SLC9A4: variants seen among roughly 807,000 people sequenced by gnomAD.
SLC9A4 encodes the protein sodium/hydrogen exchanger 4.
In SLC9A4, 63 loss-of-function variants were observed where a neutral mutation model predicts 67.4. That is an observed-to-expected ratio of 0.93 (90% CI 0.76 to 1.15). The LOEUF (loss-of-function observed/expected upper bound fraction) is 1.15. SLC9A4 is among the 50% of genes most tolerant of loss of function. The probability of loss-of-function intolerance (pLI) is 0.00; values close to 1 mark genes in which losing one functional copy is unlikely to be tolerated. For missense variants in SLC9A4, 1,089 were observed against 987.7 expected (o/e 1.10, Z -1.38); for synonymous variants, 393 against 367.2 (o/e 1.07, Z -0.80).
intron 2 of SLC9A4, among the ~76,000 whole-genome samples, chr2:102,502,799 G>A (rs974751304): frequency 2.0e-5 from 3 of 152,382 alleles, no homozygotes; most frequent in Non-Finnish European, 4.4e-5. Flanking sequence ...CTGCATGGGA[G>A]GACGGGGAGA....
Position 102,532,690 on chromosome 2 carries a change from G to A in SLC9A4, c.*2G>A. 1 of 1,610,054 alleles carries A rather than the reference G, an allele frequency of 6.2e-7. No homozygotes were observed. The highest frequency in any genetic ancestry group is 8.5e-7 in the Non-Finnish European group (1 of 1,177,720). On this transcript the variant is annotated 3_prime_UTR_variant, in exon 12 of 12. Transcript: ENST00000295269. The stretch of plus-strand genomic sequence containing the variant: ...AGTCCTTTGCTCCAAAAAAAATAGT[G>A]TTATTGTCCACAAGATTGTTTTGGT...
intron 11 of SLC9A4, among the ~76,000 whole-genome samples, chr2:102,531,419 A>G (rs1420994956): frequency 6.6e-6 from 1 of 152,168 alleles, no homozygotes; most frequent in Non-Finnish European, 1.5e-5. Flanking sequence ...AGAATCCAAG[A>G]GGGGACATTG....
intron 6 of SLC9A4, 139 bp from the exon 7 acceptor site, chr2:102,512,064 A>T: frequency 1.3e-6 from 1 of 792,492 alleles, no homozygotes; most frequent in Non-Finnish European, 2.0e-6. Context: ...ATATTTTATT[A>T]CATGAACACA....
At chr2:102,520,456 A>G (rs1685381120) in intron 9 of SLC9A4, among the ~76,000 whole-genome samples, 2 of 152,344 alleles carry the variant, frequency 1.3e-5, no homozygotes, top group Admixed American at 6.5e-5. Context: ...TGAAATCTCT[A>G]CTAGTCCTTG....
chr2:102,504,209 C>T (rs1558666372), intron 3 of SLC9A4, among the ~76,000 whole-genome samples: 2 of 152,198 alleles, frequency 1.3e-5, no homozygotes, highest in Non-Finnish European at 2.9e-5. Context: ...CTGGCCACCA[C>T]GCCCGGCTAA....
rs746182972 is a variant in SLC9A4, at chr2:102,526,289, T to G, written c.1981T>G (p.Tyr661Asp). 1.9e-5 allele frequency: 30 copies of G among 1,613,686 alleles called. No homozygotes were observed. Among genetic ancestry groups the G allele is most frequent in the Non-Finnish European group, 2.5e-5 (29 of 1,179,792 alleles). The change falls in exon 11 of 12, where the codon TAC (tyrosine) becomes GAC (aspartate). Residue 661 changes from tyrosine to aspartate, a missense_variant. Tyr to Asp is a radical substitution (Grantham distance 160). Coordinates refer to ENST00000295269, the MANE Select transcript of SLC9A4 (RefSeq NM_001011552.4). The stretch of plus-strand genomic sequence containing the variant: ...CACCAAGAATATCCGCTACCTCTCC[T>G]ACCCCTACGGGAATCCTCAGTCTGC... ...AGTKNIRYLS[Y>D]PYGNPQSAGR...
intron 1 of SLC9A4, 131 bp downstream of exon 1, chr2:102,474,146 T>G (rs1684279866): frequency 9.0e-7 from 1 of 1,112,236 alleles, no homozygotes; most frequent in East Asian, 2.4e-5. Context: ...TCTCTTCCCT[T>G]CAGTCAAGGG....
chr2:102,510,266 C>CAGATATAGATATAGATAT (rs1199533333), intron 6 of SLC9A4, among the ~76,000 whole-genome samples: 1 of 68,534 alleles, frequency 1.5e-5, no homozygotes, highest in African/African-American at 4.9e-5. Context: ...GATACAGATA[C>CAGATATAGATATAGATAT]AGATACAGAT....
At position 102,532,518 on chromosome 2, in the gene SLC9A4, G is replaced by A. The variant is rs1674799435; in HGVS notation, c.2227G>A (p.Val743Met). 1.2e-6 allele frequency: 2 copies of A among 1,614,006 alleles called. No individual in the cohort carries two copies. Among genetic ancestry groups the A allele is most frequent in the Admixed American group, 1.7e-5 (1 of 59,994 alleles). ...AGAGTACTTGGGTGGAGTAAGGAGG[G>A]TGGCCTTAAGACCCAAACCTCTGTT... Reference protein sequence around the residue: ...QEEYLGGVRRVALRPKPLFHA... With the variant: ...QEEYLGGVRRMALRPKPLFHA... Residue 743 changes from valine (V) to methionine (M), a missense_variant, in exon 12 of 12, where the codon GTG becomes ATG. Transcript: ENST00000295269.
intron 2 of SLC9A4, among the ~76,000 whole-genome samples, chr2:102,501,783 C>T (rs1290446523): frequency 6.6e-6 from 1 of 151,782 alleles, no homozygotes; most frequent in South Asian, 2.1e-4. Context: ...CACCCAAGAT[C>T]AGTGGTGATA....
chr2:102,484,191 A>G (rs999034072), intron 2 of SLC9A4, among the ~76,000 whole-genome samples: 1 of 152,162 alleles, frequency 6.6e-6, no homozygotes, highest in African/African-American at 2.4e-5. Flanking sequence ...AATAAACTGC[A>G]CAAGGACACA....
Position 102,508,240 on chromosome 2 carries a change from A to G in SLC9A4, c.1360A>G (p.Thr454Ala). ...SLFPRKKMFV[T>A]ATLVVIYFTV... ...TTTTCCTAGGAAGAAAATGTTTGTC[A>G]CTGCTACTCTAGTAGTTATATACTT... is the stretch of plus-strand genomic sequence containing the variant. The change falls in exon 5 of 12, where the codon ACT (threonine) becomes GCT (alanine). Residue 454 changes from threonine to alanine, a missense_variant. By Grantham distance (58) the Thr-to-Ala change is moderately conservative. Coordinates refer to ENST00000295269, the MANE Select transcript of SLC9A4 (RefSeq NM_001011552.4). The G allele has an allele frequency of 3.7e-6, 6 of 1,614,088 alleles. No homozygotes were observed. Among genetic ancestry groups the G allele is most frequent in the Non-Finnish European group, 5.1e-6 (6 of 1,180,014 alleles).
chr2:102,491,066 G>C lies in SLC9A4; in HGVS notation c.720+11764G>C, dbSNP rs58662321. On this transcript the variant is annotated intron_variant, in intron 2 of 11. Coordinates refer to ENST00000295269, the MANE Select transcript of SLC9A4 (RefSeq NM_001011552.4). ...ACTCTCTCTTGTAATTCTTTCTTGAGAAAAAAACAAACAAAAACTCTCAAA... is the reference window on the plus strand; with the variant it reads ...ACTCTCTCTTGTAATTCTTTCTTGACAAAAAAACAAACAAAAACTCTCAAA... 8.0e-3 allele frequency among the ~76,000 whole-genome samples: 1,220 copies of C among 152,058 alleles called. 14 individuals are homozygous for C. The highest frequency in any genetic ancestry group is 0.028 in the African/African-American group (1,167 of 41,474).
intron 2 of SLC9A4, among the ~76,000 whole-genome samples, chr2:102,498,795 T>A (rs1450117661): frequency 1.3e-5 from 2 of 152,236 alleles, no homozygotes; most frequent in Admixed American, 1.3e-4. Context: ...AAAGCATGGC[T>A]TCAGTTTGTT....
At chr2:102,526,164 A>G in intron 10 of SLC9A4, 95 bp from the exon 11 acceptor site, 1 of 1,307,496 alleles carries the variant, frequency 7.6e-7, no homozygotes, top group Non-Finnish European at 1.1e-6. Context: ...CTGGGATTAC[A>G]GGCGTGAGCC....
chr2:102,479,865 C>T (rs1684422710), intron 2 of SLC9A4, among the ~76,000 whole-genome samples: 1 of 152,110 alleles, frequency 6.6e-6, no homozygotes, highest in Admixed American at 6.5e-5. Flanking sequence ...TGCTTATGAG[C>T]CTTTCTGGTG....
At chr2:102,481,364 T>C (rs1684457883) in intron 2 of SLC9A4, among the ~76,000 whole-genome samples, 1 of 152,234 alleles carries the variant, frequency 6.6e-6, no homozygotes, top group African/African-American at 2.4e-5. Flanking sequence ...TTCTCATGTT[T>C]GTTTTAATTT....
Position 102,531,728 on chromosome 2 carries a change from T to G in SLC9A4, c.2039-602T>G, listed in dbSNP as rs143385342. ...ACAGTGACAGGCATATAGTAAATTATCAGGAAAGGGAAGTTCCCATCAAGT... is the reference window on the plus strand; with the variant it reads ...ACAGTGACAGGCATATAGTAAATTAGCAGGAAAGGGAAGTTCCCATCAAGT... On this transcript the variant is annotated intron_variant, in intron 11 of 11. Transcript: ENST00000295269. Among the ~76,000 whole-genome samples, 587 of 152,296 alleles carry G rather than the reference T, an allele frequency of 3.9e-3. 4 individuals are homozygous for G. Among genetic ancestry groups the G allele is most frequent in the Middle Eastern group, 0.017 (5 of 294 alleles).
In SLC9A4 at chr2:102,519,863, C is replaced by T; in HGVS notation, c.1726C>T (p.Gln576Ter). ...STAFSIPHQAQRIQGIKRLSP... is the reference protein window; with the variant it reads ...STAFSIPHQA ...CTTCTCCAATAATGATTCCAGGGCC[C>T]AGAGGATACAAGGAATCAAAAGACT... is the stretch of plus-strand genomic sequence containing the variant. Residue 576 changes from glutamine to a stop codon, truncating the protein, a stop_gained, in exon 9 of 12, where the codon CAG (glutamine) becomes TAG (stop). Coordinates refer to ENST00000295269, the MANE Select transcript of SLC9A4 (RefSeq NM_001011552.4). LOFTEE classifies it high-confidence loss of function. The T allele has an allele frequency of 1.2e-6, 2 of 1,613,532 alleles. No individual in the cohort carries two copies. Among genetic ancestry groups the T allele is most frequent in the Non-Finnish European group, 1.7e-6 (2 of 1,179,610 alleles).
Sources: gnomAD v4.1 joint callset for allele counts (sites outside exome capture counted in the v4.1 genomes callset) on GRCh38, gnomAD v4.1.1 for gene constraint, MANE v1.5 for transcripts, NCBI Gene and HGNC (gene_info 2026-07-23, HGNC 2026-07-21) for gene names.